The following AGAP3 variants were observed in gnomAD, a reference collection of about 807,000 sequenced individuals.
AGAP3 encodes the protein arf-GAP with GTPase, ANK repeat and PH domain-containing protein 3.
A neutral mutation model predicts 96.9 loss-of-function variants in AGAP3; 24 were observed. The observed-to-expected ratio is 0.25, with a 90% CI of 0.18 to 0.35. The LOEUF is 0.35. Among genes scored for constraint, AGAP3 ranks in the 10% least tolerant of loss-of-function variants. The pLI is 1.00. For synonymous variants in AGAP3, 563 were observed against 536.1 expected (o/e 1.05, Z -0.69); for missense variants, 876 against 1,254.2 (o/e 0.70, Z 4.55).
At position 151,140,048 on chromosome 7, in the gene AGAP3, G is replaced by A. The variant is rs764311554; in HGVS notation, c.1736G>A (p.Arg579Gln). 3.4e-5 allele frequency: 55 copies of A among 1,606,448 alleles called. No homozygotes were observed. Among genetic ancestry groups the A allele is most frequent in the Non-Finnish European group, 4.2e-5 (49 of 1,176,984 alleles). The change falls in exon 13 of 18, where the codon CGG becomes CAG. Residue 579 changes from arginine (R) to glutamine (Q), a missense_variant. Arg to Gln is a conservative substitution (Grantham distance 43, BLOSUM62 1). Transcript: ENST00000397238. This position sits in a 1 kb window ranked among gnomAD's most constrained non-coding sequence, Gnocchi z 5.4. ...CCTCCCCCATCTCCCCACTCCAACC[G>A]GAAGAAGCACCGGAGGAAAAAGAGC... ...LDPPPSPHSN[R>Q]KKHRRKKSTG...
chr7:151,087,349 G>A, intron 1 of AGAP3: 1 of 462,646 alleles, frequency 2.2e-6, no homozygotes, highest in Non-Finnish European at 4.0e-6. Flanking sequence ...ATCTGTCCAG[G>A]CCTGGCCGGG....
chr7:151,123,090 C>A, intron 8 of AGAP3: 1 of 1,177,284 alleles, frequency 8.5e-7, no homozygotes. Flanking sequence ...GCGGGGGAGT[C>A]CAAGCCCGCC....
At chr7:151,134,175 A>C (rs1307154793) in intron 10 of AGAP3, among the ~76,000 whole-genome samples, 1 of 151,562 alleles carries the variant, frequency 6.6e-6, no homozygotes, top group Non-Finnish European at 1.5e-5. Context: ...GCCGCCCCCA[A>C]CTCTACCTCC....
intron 1 of AGAP3, among the ~76,000 whole-genome samples, chr7:151,107,304 C>A (rs1339127445): frequency 7.3e-6 from 1 of 136,856 alleles, no homozygotes; most frequent in Non-Finnish European, 1.6e-5. Context: ...GAGCAAGACT[C>A]CGGCTCAAAA....
rs1379143143 is a variant in AGAP3 at position 151,086,990 on chromosome 7, C to T, written c.249C>T (p.Ile83=). The T allele has an allele frequency of 3.1e-6, 5 of 1,613,136 alleles. No individual in the cohort carries two copies. Among genetic ancestry groups the T allele is most frequent in the Non-Finnish European group, 3.4e-6 (4 of 1,179,626 alleles). ...GCTTCGAGTCCGTGCATCCCAATAT[C>T]TACGCCATCTACGACCTGATCGAGC... The part of the protein sequence containing the change: ...IQRFESVHPN[I]YAIYDLIERI... Residue 83 remains isoleucine (I), a synonymous_variant, in exon 1 of 18, where the codon ATC becomes ATT. Coordinates refer to ENST00000397238, the MANE Select transcript of AGAP3 (RefSeq NM_031946.7).
intron 10 of AGAP3, among the ~76,000 whole-genome samples, chr7:151,129,574 C>T (rs1800320257): frequency 6.6e-6 from 1 of 152,188 alleles, no homozygotes; most frequent in African/African-American, 2.4e-5. Context: ...GGGACAATGC[C>T]AGTCAGCCGC....
chr7:151,091,779 C>G (rs975366589), intron 1 of AGAP3, among the ~76,000 whole-genome samples: 1 of 152,170 alleles, frequency 6.6e-6, no homozygotes, highest in Non-Finnish European at 1.5e-5. Flanking sequence ...TCTGGCTCTC[C>G]CCAGCAGTGG....
At chr7:151,137,578 A>G (rs983272397) in intron 11 of AGAP3, among the ~76,000 whole-genome samples, 3 of 152,182 alleles carry the variant, frequency 2.0e-5, no homozygotes, top group Admixed American at 6.5e-5. Flanking sequence ...CGCCTGCCCC[A>G]GCCTTGGCTT....
At chr7:151,119,822 A>G (rs1486037725) in intron 7 of AGAP3, among the ~76,000 whole-genome samples, 165 bp from the exon 8 acceptor site, 3 of 152,168 alleles carry the variant, frequency 2.0e-5, no homozygotes. Flanking sequence ...GCTGGCCTCC[A>G]GGCCAGGTGA....
In AGAP3 at chr7:151,122,440, G is replaced by A. The variant is rs139753798; in HGVS notation, c.1129-1354G>A. Among the ~76,000 whole-genome samples, 200 of 152,216 alleles carry A rather than the reference G, an allele frequency of 1.3e-3. 1 individual carries two copies. Among genetic ancestry groups the A allele is most frequent in the African/African-American group, 4.4e-3 (181 of 41,548 alleles). ...GATGGGGCCTGGGCTGCCGAGTGGC[G>A]AACATACCATTCCGTGCTGAGGTGG... On this transcript the variant is annotated intron_variant, in intron 8 of 17. Coordinates refer to ENST00000397238, the MANE Select transcript of AGAP3 (RefSeq NM_031946.7).
chr7:151,098,859 G>A (rs1478677130), intron 1 of AGAP3, among the ~76,000 whole-genome samples: 1 of 146,740 alleles, frequency 6.8e-6, no homozygotes, highest in Non-Finnish European at 1.5e-5. Flanking sequence ...TTAGCCTCCC[G>A]AGTAGCTGGG....
intron 1 of AGAP3, among the ~76,000 whole-genome samples, chr7:151,113,221 T>G (rs1337357494): frequency 6.6e-6 from 1 of 152,168 alleles, no homozygotes; most frequent in Non-Finnish European, 1.5e-5. Flanking sequence ...CTGAGTTGTG[T>G]TCTTGTCTCT....
intron 8 of AGAP3, among the ~76,000 whole-genome samples, chr7:151,122,519 G>GCCT (rs1275053159): frequency 6.9e-4 from 104 of 151,330 alleles, no homozygotes; most frequent in African/African-American, 1.5e-3. Flanking sequence ...CGCCGCCGCC[G>GCCT]CCTCCTCCTC....
At chr7:151,110,884 A>G (rs1799251050) in intron 1 of AGAP3, among the ~76,000 whole-genome samples, 1 of 152,102 alleles carries the variant, frequency 6.6e-6, no homozygotes, top group African/African-American at 2.4e-5. Flanking sequence ...GTGCTGTTGA[A>G]AATGGGGGAT....
intron 11 of AGAP3, among the ~76,000 whole-genome samples, chr7:151,137,339 C>T (rs1208604072): frequency 3.9e-5 from 6 of 152,250 alleles, no homozygotes; most frequent in Non-Finnish European, 8.8e-5. Flanking sequence ...ACCTCAGGTT[C>T]GGCCCCCGTG....
rs1799708932 is a variant in AGAP3 at position 151,118,553 on chromosome 7, G to A, written c.890G>A (p.Gly297Glu). ...ALRKKQQLAI[G>E]PCKSLPNSPS... ...CGAAAGAAGCAGCAACTGGCCATCG[G>A]GCCCTGCAAGTCACTGCCCAACTCG... is the stretch of plus-strand genomic sequence containing the variant. The change falls in exon 7 of 18, where the codon GGG becomes GAG. Residue 297 changes from glycine (G) to glutamate (E), a missense_variant. Gly to Glu is a moderately conservative substitution (Grantham distance 98). Transcript: ENST00000397238. This position sits in a 1 kb window ranked among gnomAD's most constrained non-coding sequence, Gnocchi z 6.1. The A allele has an allele frequency of 6.2e-7, 1 of 1,614,036 alleles. No homozygotes were observed. Among genetic ancestry groups the A allele is most frequent in the Non-Finnish European group, 8.5e-7 (1 of 1,180,042 alleles).
intron 10 of AGAP3, among the ~76,000 whole-genome samples, chr7:151,132,969 C>T (rs1176120320): frequency 2.0e-5 from 3 of 152,188 alleles, no homozygotes; most frequent in Admixed American, 2.0e-4. Context: ...TAGAGCCAGC[C>T]TGGCGGGAAA....
chr7:151,115,081 C>CCA, intron 1 of AGAP3: 2 of 1,027,008 alleles, frequency 1.9e-6, no homozygotes, highest in Non-Finnish European at 2.3e-6. Context: ...AGCCCCGCGT[C>CCA]CAGCCCCGCG....
At chr7:151,117,531 GA>G in intron 4 of AGAP3, 75 bp downstream of exon 4, 4 of 1,613,006 alleles carry the variant, frequency 2.5e-6, no homozygotes, top group Non-Finnish European at 3.4e-6. Flanking sequence ...TTGGGACTGG[GA>G]GAGGTGGTAT....
Sources: allele counts gnomAD v4.1 joint callset (sites outside exome capture counted in the v4.1 genomes callset), GRCh38; gene constraint gnomAD v4.1.1; non-coding constraint Gnocchi (gnomAD v3.1); transcripts MANE v1.5; gene names NCBI Gene and HGNC (gene_info 2026-07-23, HGNC 2026-07-21).